MGAT4C: variants seen among roughly 807,000 people sequenced by gnomAD.
MGAT4C encodes MGAT4 family member C.
In MGAT4C, 19 loss-of-function variants were observed where a neutral mutation model predicts 40.1. That is an observed-to-expected ratio of 0.47 (90% confidence interval 0.33 to 0.70). The LOEUF (loss-of-function observed/expected upper bound fraction) is 0.70, where lower values mean the gene tolerates loss of function less well. Ranked by LOEUF, MGAT4C falls within the 30% of genes least tolerant of loss-of-function variation. MGAT4C has a pLI of 0.02. For missense variants in MGAT4C, 491 were observed against 563.2 expected, an observed-to-expected ratio of 0.87 and a Z score of 1.30; for synonymous variants, 181 against 187.1, an observed-to-expected ratio of 0.97 and a Z score of 0.27.
At chr12:86,399,355 C>A (rs1213644230) in intron 3 of MGAT4C, among the ~76,000 whole-genome samples, 1 of 151,630 alleles carries the variant, frequency 6.6e-6, no homozygotes, top group Admixed American at 6.6e-5. Flanking sequence ...AATCTCGGCT[C>A]ACAGCAACCT....
chr12:86,522,411 T>G (rs1958810870), intron 2 of MGAT4C, among the ~76,000 whole-genome samples: 1 of 152,224 alleles, frequency 6.6e-6, no homozygotes, highest in East Asian at 1.9e-4. Flanking sequence ...ATTTATTGAT[T>G]TGCATATGTT....
At chr12:86,450,783 ATG>A (rs34645033) in intron 2 of MGAT4C, among the ~76,000 whole-genome samples, 96,831 of 151,620 alleles carry the variant, frequency 0.64, 31,596 homozygotes, top group South Asian at 0.77. Context: ...ATATATAAAT[ATG>A]TGACTATACA....
intron 2 of MGAT4C, among the ~76,000 whole-genome samples, chr12:86,564,582 A>C (rs550218399): frequency 7.2e-5 from 11 of 152,212 alleles, no homozygotes; most frequent in Non-Finnish European, 1.5e-4. Context: ...AATAAATCCG[A>C]CTAAAATTCG....
intron 1 of MGAT4C, among the ~76,000 whole-genome samples, chr12:86,764,135 C>T (rs2136156510): frequency 6.6e-6 from 1 of 152,226 alleles, no homozygotes; most frequent in African/African-American, 2.4e-5. Context: ...CAGATGGCAC[C>T]TGGAAAATCA....
intron 3 of MGAT4C, among the ~76,000 whole-genome samples, chr12:86,398,637 T>A (rs991459114): frequency 1.3e-5 from 2 of 151,990 alleles, no homozygotes; most frequent in Non-Finnish European, 2.9e-5. Context: ...TTAGGTCTCA[T>A]AAGCAGGCCT....
intron 1 of MGAT4C, among the ~76,000 whole-genome samples, chr12:86,186,632 A>G (rs754651924): frequency 6.6e-6 from 1 of 152,138 alleles, no homozygotes; most frequent in Non-Finnish European, 1.5e-5. Context: ...GGGAGATTCA[A>G]TGCTCAACCA....
chr12:85,996,673 A>G (rs1049576314), intron 2 of MGAT4C, among the ~76,000 whole-genome samples: 2 of 152,218 alleles, frequency 1.3e-5, no homozygotes, highest in Non-Finnish European at 2.9e-5. Flanking sequence ...ACATTTAGTA[A>G]TTAATGAAAG....
At chr12:86,296,853 C>A (rs568530758) in intron 4 of MGAT4C, among the ~76,000 whole-genome samples, 6 of 152,216 alleles carry the variant, frequency 3.9e-5, no homozygotes. Context: ...AGTGCAGTGG[C>A]GGGCCAAAGG....
intron 1 of MGAT4C, among the ~76,000 whole-genome samples, chr12:86,117,072 A>T (rs997901105): frequency 2.6e-5 from 4 of 151,872 alleles, no homozygotes; most frequent in East Asian, 1.9e-4. Context: ...ATCATTGCTT[A>T]AAAAAAAGTT....
intron 2 of MGAT4C, among the ~76,000 whole-genome samples, chr12:86,031,365 T>C (rs1890738354): frequency 6.6e-6 from 1 of 151,852 alleles, no homozygotes; most frequent in African/African-American, 2.4e-5. Flanking sequence ...GCTGCATTCT[T>C]TTTCTCTGGT....
chr12:86,770,188 G>T (rs1032666842), intron 1 of MGAT4C, among the ~76,000 whole-genome samples: 4 of 151,650 alleles, frequency 2.6e-5, no homozygotes, highest in Admixed American at 2.0e-4. Flanking sequence ...ACAATTAGGT[G>T]GAAAAAGCAG....
At chr12:86,443,423 A>C (rs565914231) in intron 2 of MGAT4C, among the ~76,000 whole-genome samples, 1 of 152,248 alleles carries the variant, frequency 6.6e-6, no homozygotes, top group Admixed American at 6.5e-5. Flanking sequence ...AATTGTTACT[A>C]CTTTAAATTA....
intron 3 of MGAT4C, among the ~76,000 whole-genome samples, chr12:86,403,384 C>G (rs1042118366): frequency 1.3e-5 from 2 of 152,180 alleles, no homozygotes; most frequent in Non-Finnish European, 2.9e-5. Flanking sequence ...TGCAAATACC[C>G]TGTTAGCAGC....
At chr12:86,234,457 A>G (rs1951449524) in intron 1 of MGAT4C, among the ~76,000 whole-genome samples, 1 of 152,172 alleles carries the variant, frequency 6.6e-6, no homozygotes, top group African/African-American at 2.4e-5. Flanking sequence ...ACTCTCCATC[A>G]AGTATGAATC....
chr12:85,991,414 C>T (rs1345807939), intron 2 of MGAT4C, among the ~76,000 whole-genome samples: 2 of 152,160 alleles, frequency 1.3e-5, no homozygotes, highest in Admixed American at 6.5e-5. Flanking sequence ...GCCTGGCCCC[C>T]AGGCTTCAGG....
chr12:86,201,525 T>A (rs1950050247), intron 1 of MGAT4C, among the ~76,000 whole-genome samples: 1 of 149,728 alleles, frequency 6.7e-6, no homozygotes, highest in Non-Finnish European at 1.5e-5. Flanking sequence ...ATATTAAATT[T>A]AAAATTTATA....
intron 3 of MGAT4C, among the ~76,000 whole-genome samples, chr12:86,339,671 A>G (rs1047438568): frequency 6.6e-6 from 1 of 151,286 alleles, no homozygotes; most frequent in African/African-American, 2.4e-5. Context: ...TTTACAATTC[A>G]AACTATTTAT....
rs1175121959 is a variant in MGAT4C, at chr12:86,743,645, TAC to T, written c.-261-16406_-261-16405del. On this transcript the variant is annotated intron_variant, in intron 1 of 7. Coordinates refer to the MGAT4C transcript ENST00000548651. ...AATAATGAATACATTTCCTTAATTT[TAC>T]AGATTGTTAAACAAAGCCCAGGTTT... 3.3e-5 allele frequency among the ~76,000 whole-genome samples: 5 copies of T among 151,656 alleles called. No individual in the cohort carries two copies. In the East Asian group the frequency reaches 9.8e-4, roughly 30 times the overall value.
chr12:86,742,112 G>A (rs1951078106), intron 1 of MGAT4C, among the ~76,000 whole-genome samples: 1 of 151,086 alleles, frequency 6.6e-6, no homozygotes, highest in Admixed American at 6.6e-5. Context: ...CACCTTCTGG[G>A]TTTAGGGTTA....
Sources: gnomAD v4.1 joint callset for allele counts (sites outside exome capture counted in the v4.1 genomes callset) on GRCh38, gnomAD v4.1.1 for gene constraint, MANE v1.5 for transcripts, NCBI Gene and HGNC (gene_info 2026-07-23, HGNC 2026-07-21) for gene names.